MAPK6: variants seen among roughly 807,000 people sequenced by gnomAD.
MAPK6 encodes ERK-3.
In MAPK6, 19 loss-of-function variants were observed where a neutral mutation model predicts 59.3. The ratio of observed to expected loss-of-function variants is 0.32; its 90% CI spans 0.22 to 0.47. The LOEUF (loss-of-function observed/expected upper bound fraction) is 0.47, where lower values mean the gene tolerates loss of function less well. Ranked by LOEUF, MAPK6 falls within the 20% of genes least tolerant of loss-of-function variation. MAPK6 has a pLI of 1.00. For missense variants in MAPK6, 724 were observed against 847.9 expected, an observed-to-expected ratio of 0.85 and a Z score of 1.81; for synonymous variants, 316 against 290.3, an observed-to-expected ratio of 1.09 and a Z score of -0.90.
Position 51,995,643 on chromosome 15 carries a change from C to T in MAPK6, c.-769-8622C>T, listed in dbSNP as rs568678427. The stretch of plus-strand genomic sequence containing the variant: ...GCCACAATCAAAACTTACAGGCTTT[C>T]TAGGCCAGGCGCAGTGGCTCATGCC... On this transcript the variant is annotated intron_variant, in intron 2 of 7. Coordinates refer to the MAPK6 transcript ENST00000691380. Among the ~76,000 whole-genome samples the T allele has an allele frequency of 1.8e-3, 270 of 152,210 alleles. 2 individuals carry two copies. The highest frequency in any genetic ancestry group is 1.5e-3 in the Non-Finnish European group (105 of 67,990).
At chr15:51,995,304 G>A (rs2057221270) in intron 2 of MAPK6, among the ~76,000 whole-genome samples, 1 of 152,216 alleles carries the variant, frequency 6.6e-6, no homozygotes, top group Admixed American at 6.5e-5. Context: ...ACCTTGATCA[G>A]CTGCTGGATG....
chr15:52,057,008 A>G (rs1047015080), intron 3 of MAPK6: 1 of 152,184 alleles, frequency 6.6e-6, no homozygotes, highest in Non-Finnish European at 1.5e-5. Context: ...TACTCATGTT[A>G]GCAAACCAGT....
At chr15:52,015,566 C>T (rs1424234479), upstream of MAPK6, among the ~76,000 whole-genome samples, 1 of 151,200 alleles carries the variant, frequency 6.6e-6, no homozygotes. Flanking sequence ...CAGCCTCCGC[C>T]TCCCGGGTTC....
At chr15:52,063,764 G>A (rs905929173) in intron 5 of MAPK6, 138 bp from the exon 6 acceptor site, 3 of 571,490 alleles carry the variant, frequency 5.2e-6, no homozygotes, top group Non-Finnish European at 8.2e-6. Context: ...AGTTCTGGTA[G>A]GGCAAGGCAG....
At chr15:51,999,904 A>T (rs1174077345) in intron 2 of MAPK6, among the ~76,000 whole-genome samples, 1 of 151,970 alleles carries the variant, frequency 6.6e-6, no homozygotes, top group Non-Finnish European at 1.5e-5. Flanking sequence ...TTGGCCTCCT[A>T]AAGTGCTGGG....
intron 1 of MAPK6, among the ~76,000 whole-genome samples, chr15:52,038,980 A>T (rs1308081602): frequency 1.3e-5 from 2 of 152,218 alleles, no homozygotes; most frequent in Non-Finnish European, 2.9e-5. Flanking sequence ...TATCTGGTCT[A>T]TGAATTTTTG....
Position 52,064,604 on chromosome 15 carries a change from G to A in MAPK6, c.1770G>A (p.Gln590=), listed in dbSNP as rs372920091. 1.3e-5 allele frequency: 21 copies of A among 1,611,766 alleles called. No individual in the cohort carries two copies. The African/African-American group carries it at 1.6e-4, about 12-fold the overall frequency. ...TGGCTCAATTAGAAGCCTTGTACCA[G>A]TCTTCTTGGGACAGCCAGTTTGTGA... is the stretch of plus-strand genomic sequence containing the variant. ...ANLAQLEALY[Q]SSWDSQFVSG... The change falls in exon 6 of 6, where the codon CAG becomes CAA. Residue 590 remains glutamine, a synonymous_variant. Transcript: ENST00000261845.
chr15:52,033,371 G>C (rs2031113883), intron 1 of MAPK6, among the ~76,000 whole-genome samples: 1 of 152,174 alleles, frequency 6.6e-6, no homozygotes, highest in South Asian at 2.1e-4. Context: ...ACCGAGGCTA[G>C]AACAAAGCAG....
chr15:52,064,038 T>G lies in MAPK6; in HGVS notation c.1204T>G (p.Leu402Val), dbSNP rs1432483696. 1.2e-5 allele frequency: 20 copies of G among 1,613,674 alleles called. No individual in the cohort carries two copies. The highest frequency in any genetic ancestry group is 1.7e-5 in the Admixed American group (1 of 59,978). Reference protein sequence around the residue: ...EEVQVDPRKYLDGDREKYLED... With the variant: ...EEVQVDPRKYVDGDREKYLED... ...AGTACAAGTTGATCCCCGAAAATAT[T>G]TGGATGGAGATCGGGAAAAGTATCT... Residue 402 changes from leucine to valine, a missense_variant, in exon 6 of 6, where the codon TTG (leucine) becomes GTG (valine). Physicochemically the swap from Leu to Val is conservative, Grantham distance 32 (BLOSUM62 1). Transcript: ENST00000261845.
At chr15:52,061,544 C>G in intron 5 of MAPK6, 44 bp downstream of exon 5, 1 of 1,410,424 alleles carries the variant, frequency 7.1e-7, no homozygotes, top group Non-Finnish European at 1.0e-6. Flanking sequence ...ACTGAACTTT[C>G]AGTGGACCAT....
chr15:51,990,302 G>A (rs1566894566), intron 2 of MAPK6, among the ~76,000 whole-genome samples: 1 of 152,190 alleles, frequency 6.6e-6, no homozygotes, highest in East Asian at 1.9e-4. Context: ...AACAGATTAT[G>A]CAAATCCATG....
chr15:52,014,097 G>A (rs891483947), intron 3 of MAPK6, among the ~76,000 whole-genome samples: 1 of 150,064 alleles, frequency 6.7e-6, no homozygotes, highest in Non-Finnish European at 1.5e-5. Context: ...GATACTACCC[G>A]ATGGAATCAA....
chr15:51,983,954 C>G (rs2057182491), intron 2 of MAPK6, among the ~76,000 whole-genome samples: 1 of 151,160 alleles, frequency 6.6e-6, no homozygotes, highest in Admixed American at 6.6e-5. Context: ...CCACTTCACT[C>G]TAGTCTGGGT....
chr15:52,040,289 G>C (rs2031376833), intron 1 of MAPK6, among the ~76,000 whole-genome samples: 1 of 152,208 alleles, frequency 6.6e-6, no homozygotes. Context: ...ACTGGGTTTT[G>C]GCTGAGGAGA....
At chr15:51,992,285 ATCTATC>A (rs1302436369) in intron 2 of MAPK6, among the ~76,000 whole-genome samples, 41 of 101,610 alleles carry the variant, frequency 4.0e-4, no homozygotes, top group East Asian at 2.2e-3. Flanking sequence ...CTATCTATCT[ATCTATC>A]TATATATATA....
At chr15:52,023,230 T>C (rs1595977953) in intron 1 of MAPK6, among the ~76,000 whole-genome samples, 1 of 152,196 alleles carries the variant, frequency 6.6e-6, no homozygotes, top group East Asian at 1.9e-4. Flanking sequence ...ATCCAGTTCT[T>C]TGTTACATTT....
At position 52,003,372 on chromosome 15, in the gene MAPK6, G is replaced by C. The variant is rs947984476; in HGVS notation, c.-769-893G>C. 4.6e-5 allele frequency among the ~76,000 whole-genome samples: 7 copies of C among 152,172 alleles called. No individual in the cohort carries two copies. The South Asian group carries it at 6.2e-4, about 13-fold the overall frequency. On this transcript the variant is annotated intron_variant, in intron 2 of 7. Coordinates refer to the MAPK6 transcript ENST00000691380. ...GAGATGAGATTTGGGTGGGGACACAGAGCCAAACCATATCACCTTTCTACT... is the reference window on the plus strand; with the variant it reads ...GAGATGAGATTTGGGTGGGGACACACAGCCAAACCATATCACCTTTCTACT...
chr15:52,044,351 A>G (rs2031533176), intron 1 of MAPK6, among the ~76,000 whole-genome samples: 2 of 152,214 alleles, frequency 1.3e-5, no homozygotes, highest in Non-Finnish European at 2.9e-5. Flanking sequence ...TATAGTAAGT[A>G]TCAGTTTTTA....
intron 2 of MAPK6, among the ~76,000 whole-genome samples, chr15:51,984,350 C>T (rs779881747): frequency 6.6e-6 from 1 of 151,686 alleles, no homozygotes; most frequent in Non-Finnish European, 1.5e-5. Context: ...GACACAATCT[C>T]GGCTCACTGC....
Sources: gnomAD v4.1 joint callset for allele counts (sites outside exome capture counted in the v4.1 genomes callset) on GRCh38, gnomAD v4.1.1 for gene constraint, MANE v1.5 for transcripts, NCBI Gene and HGNC (gene_info 2026-07-23, HGNC 2026-07-21) for gene names.